The following CDH12 variants were observed in gnomAD, a reference collection of about 807,000 sequenced individuals.
The protein encoded by CDH12 is cadherin 12, also known as cadherin-12.
A neutral mutation model predicts 74.1 loss-of-function variants in CDH12; 41 were observed. The observed-to-expected ratio is 0.55, with a 90% CI of 0.43 to 0.72. The LOEUF (loss-of-function observed/expected upper bound fraction) is 0.72. Ranked by LOEUF, CDH12 falls within the 30% of genes least tolerant of loss-of-function variation. The pLI is 0.00. For synonymous variants in CDH12, 399 were observed against 355.0 expected (o/e 1.12, Z -1.39); for missense variants, 945 against 977.2 (o/e 0.97, Z 0.44).
intron 3 of CDH12, among the ~76,000 whole-genome samples, chr5:22,302,521 A>C (rs1737931077): frequency 6.6e-6 from 1 of 152,206 alleles, no homozygotes; most frequent in South Asian, 2.1e-4. Context: ...CAGGAAATCC[A>C]GATGAAGATG....
chr5:22,118,877 G>T (rs371353534), intron 4 of CDH12, among the ~76,000 whole-genome samples: 4 of 152,060 alleles, frequency 2.6e-5, no homozygotes, highest in Admixed American at 1.3e-4. Flanking sequence ...AAAACAAGGA[G>T]TATAGTTGGG....
chr5:21,789,419 T>C (rs1036563022), intron 10 of CDH12, among the ~76,000 whole-genome samples: 1 of 152,150 alleles, frequency 6.6e-6, no homozygotes, highest in Non-Finnish European at 1.5e-5. Flanking sequence ...TGTCTTTTGC[T>C]ATTCTTACCA....
At chr5:22,363,000 G>A (rs977632009) in intron 3 of CDH12, among the ~76,000 whole-genome samples, 2 of 149,896 alleles carry the variant, frequency 1.3e-5, no homozygotes, top group Non-Finnish European at 3.0e-5. Context: ...GTTAATGGGT[G>A]CAGCACACCA....
chr5:22,790,789 A>G (rs1004017217), intron 1 of CDH12, among the ~76,000 whole-genome samples: 2 of 152,322 alleles, frequency 1.3e-5, no homozygotes, highest in South Asian at 2.1e-4. Context: ...ATCAGAGACT[A>G]CATCCCACTG....
chr5:22,378,051 T>TC (rs760849126), intron 3 of CDH12, among the ~76,000 whole-genome samples: 42 of 152,316 alleles, frequency 2.8e-4, no homozygotes, highest in South Asian at 2.3e-3. Context: ...CGTGTTTTTT[T>TC]CCTCTTACTA....
At chr5:22,230,691 G>A (rs575187572) in intron 3 of CDH12, among the ~76,000 whole-genome samples, 10 of 151,762 alleles carry the variant, frequency 6.6e-5, no homozygotes, top group East Asian at 1.9e-4. Context: ...GAATGGTGTC[G>A]ACCTCTTGAC....
intron 1 of CDH12, among the ~76,000 whole-genome samples, chr5:22,529,222 GAGA>G: frequency 6.9e-6 from 1 of 144,300 alleles, no homozygotes; most frequent in Admixed American, 6.9e-5. Flanking sequence ...GAGAGAGAGA[GAGA>G]AGAGAGAGAG....
At chr5:21,800,687 A>G (rs1252038848) in intron 10 of CDH12, among the ~76,000 whole-genome samples, 1 of 152,150 alleles carries the variant, frequency 6.6e-6, no homozygotes, top group African/African-American at 2.4e-5. Flanking sequence ...CTGGGTTCCA[A>G]TCAAAATCTC....
At chr5:22,801,636 CATATA>C (rs1365347208) in intron 1 of CDH12, among the ~76,000 whole-genome samples, 1 of 50,882 alleles carries the variant, frequency 2.0e-5, no homozygotes, top group Non-Finnish European at 3.8e-5. Flanking sequence ...CTCTGCTTAT[CATATA>C]TATATATATA....
At chr5:22,252,681 C>T (rs1753175268) in intron 3 of CDH12, among the ~76,000 whole-genome samples, 1 of 151,986 alleles carries the variant, frequency 6.6e-6, no homozygotes, top group Non-Finnish European at 1.5e-5. Context: ...ATTACTGCAA[C>T]AGCGTGATAT....
At chr5:22,226,996 C>T (rs1195693104) in intron 3 of CDH12, among the ~76,000 whole-genome samples, 1 of 151,974 alleles carries the variant, frequency 6.6e-6, no homozygotes, top group African/African-American at 2.4e-5. Context: ...ATAGAGTACT[C>T]CCAGTTTTTA....
At chr5:22,226,016 C>A (rs1331577074) in intron 3 of CDH12, among the ~76,000 whole-genome samples, 5 of 151,912 alleles carry the variant, frequency 3.3e-5, no homozygotes, top group African/African-American at 1.2e-4. Flanking sequence ...ATATTCATGA[C>A]CTTCAGTTTG....
chr5:22,548,039 C>T (rs1225379369), intron 1 of CDH12, among the ~76,000 whole-genome samples: 1 of 152,138 alleles, frequency 6.6e-6, no homozygotes, highest in Non-Finnish European at 1.5e-5. Flanking sequence ...TAGATCTGAA[C>T]TTCCTTTATG....
intron 1 of CDH12, among the ~76,000 whole-genome samples, chr5:22,658,116 G>A (rs1350998661): frequency 1.3e-5 from 2 of 152,120 alleles, no homozygotes; most frequent in Non-Finnish European, 2.9e-5. Flanking sequence ...ATCTGTCACT[G>A]AGTTAAGTAG....
intron 10 of CDH12, among the ~76,000 whole-genome samples, chr5:21,797,184 G>GTGATGA (rs60534561): frequency 1.1e-4 from 16 of 151,322 alleles, no homozygotes; most frequent in Admixed American, 5.3e-4. Flanking sequence ...GCTGTGCTTA[G>GTGATGA]TGATGATGAT....
At chr5:22,815,004 A>C (rs1749318163) in intron 1 of CDH12, among the ~76,000 whole-genome samples, 1 of 152,206 alleles carries the variant, frequency 6.6e-6, no homozygotes, top group Non-Finnish European at 1.5e-5. Context: ...AGAAATGTCA[A>C]GCTTGTCCGA....
At chr5:21,958,123 T>C (rs1385589894) in intron 6 of CDH12, among the ~76,000 whole-genome samples, 1 of 152,298 alleles carries the variant, frequency 6.6e-6, no homozygotes, top group East Asian at 1.9e-4. Flanking sequence ...TGCCTGGTAC[T>C]TCTCCTTCCT....
chr5:22,266,034 GTTGATTAT>G (rs1224458257), intron 3 of CDH12, among the ~76,000 whole-genome samples: 1 of 138,954 alleles, frequency 7.2e-6, no homozygotes, highest in Non-Finnish European at 1.5e-5. Context: ...CAAAAGCTTT[GTTGATTAT>G]TTATTTATTT....
chr5:22,016,477 C>A (rs1737615260), intron 5 of CDH12, among the ~76,000 whole-genome samples: 1 of 151,944 alleles, frequency 6.6e-6, no homozygotes, highest in Non-Finnish European at 1.5e-5. Flanking sequence ...CTCACTTCAA[C>A]CTCCGCCTCC....
Sources: gnomAD v4.1 joint callset for allele counts (sites outside exome capture counted in the v4.1 genomes callset) on GRCh38, gnomAD v4.1.1 for gene constraint, MANE v1.5 for transcripts, NCBI Gene and HGNC (gene_info 2026-07-23, HGNC 2026-07-21) for gene names.